Variants in FRMPD4 observed in about 807,000 individuals in gnomAD.
FRMPD4 encodes the protein FERM and PDZ domain containing 4, also known as FERM and PDZ domain-containing protein 4.
In FRMPD4, 22 loss-of-function variants were observed where a neutral mutation model predicts 94.1. The ratio of observed to expected loss-of-function variants is 0.23; its 90% CI spans 0.17 to 0.33. The LOEUF (loss-of-function observed/expected upper bound fraction) is 0.33. Among genes scored for constraint, FRMPD4 ranks in the 10% least tolerant of loss-of-function variants. The pLI is 1.00. For missense variants in FRMPD4, 1,111 were observed against 1,339.9 expected (o/e 0.83, Z 2.67); for synonymous variants, 631 against 548.6 (o/e 1.15, Z -2.10).
At chrX:12,139,555 G>C (rs988556704) in intron 1 of FRMPD4, among the ~76,000 whole-genome samples, 7 of 107,993 alleles carry the variant, frequency 6.5e-5, no homozygotes, top group African/African-American at 2.4e-4. Context: ...TTTTTTTGGG[G>C]GGGGGGTAAC....
intron 3 of FRMPD4, among the ~76,000 whole-genome samples, chrX:11,916,030 C>A (rs2054022911): frequency 9.0e-6 from 1 of 111,703 alleles, no homozygotes; most frequent in Non-Finnish European, 1.9e-5. Flanking sequence ...TTAATTCTGA[C>A]CCAGAGAGAC....
intron 2 of FRMPD4, among the ~76,000 whole-genome samples, chrX:12,538,163 G>A (rs1379887266): frequency 6.3e-5 from 7 of 111,458 alleles, no homozygotes; most frequent in Admixed American, 9.5e-5. Flanking sequence ...CTTAGCAAAC[G>A]GCACACCACG....
chrX:12,481,865 C>A (rs748743049), intron 1 of FRMPD4, among the ~76,000 whole-genome samples: 1 of 96,245 alleles, frequency 1.0e-5, no homozygotes, highest in African/African-American at 3.9e-5. Flanking sequence ...TTGGCGTGAA[C>A]CCGGGAGGCG....
chrX:12,267,992 A>G (rs1442532178), intron 1 of FRMPD4, among the ~76,000 whole-genome samples: 1 of 112,516 alleles, frequency 8.9e-6, no homozygotes, highest in Non-Finnish European at 1.9e-5. Context: ...TAAAAGTTTA[A>G]TTTTCACTCA....
chrX:12,269,406 T>C (rs967408250), intron 1 of FRMPD4, among the ~76,000 whole-genome samples: 4 of 111,873 alleles, frequency 3.6e-5, no homozygotes, highest in Non-Finnish European at 7.5e-5. Context: ...TGATAGGCTC[T>C]GTTCTATACA....
At chrX:11,873,362 G>T (rs2053765409) in intron 2 of FRMPD4, among the ~76,000 whole-genome samples, 2 of 111,242 alleles carry the variant, frequency 1.8e-5, no homozygotes. Flanking sequence ...CAATAAGTGA[G>T]TTTAGCAAAA....
intron 3 of FRMPD4, among the ~76,000 whole-genome samples, chrX:12,044,185 T>G (rs2054773198): frequency 8.9e-6 from 1 of 112,215 alleles, no homozygotes; most frequent in African/African-American, 3.2e-5. Context: ...TTTTTTATGA[T>G]CTTATCACAA....
chrX:12,549,158 CTGAT>C (rs922696414), intron 2 of FRMPD4, among the ~76,000 whole-genome samples: 1 of 111,926 alleles, frequency 8.9e-6, no homozygotes, highest in African/African-American at 3.2e-5. Flanking sequence ...TAAGATTTCC[CTGAT>C]TATTAGACAG....
chrX:11,895,749 G>A (rs1405174393), intron 3 of FRMPD4, among the ~76,000 whole-genome samples: 1 of 111,334 alleles, frequency 9.0e-6, no homozygotes, highest in Non-Finnish European at 1.9e-5. Flanking sequence ...GCCTACCTGG[G>A]GCCTGTGTGC....
At chrX:12,260,961 A>G (rs1275801781) in intron 1 of FRMPD4, among the ~76,000 whole-genome samples, 1 of 111,528 alleles carries the variant, frequency 9.0e-6, no homozygotes, top group Admixed American at 9.5e-5. Flanking sequence ...CCTGGGCTGT[A>G]CTCACACCCT....
chrX:12,479,278 A>G, intron 1 of FRMPD4, among the ~76,000 whole-genome samples: 1 of 107,603 alleles, frequency 9.3e-6, no homozygotes, highest in East Asian at 2.9e-4. Flanking sequence ...GAGGTCCAGA[A>G]GAAAGGAATA....
At chrX:12,696,829 A>G (rs975521909) in intron 9 of FRMPD4, among the ~76,000 whole-genome samples, 7 of 112,215 alleles carry the variant, frequency 6.2e-5, no homozygotes, top group African/African-American at 2.3e-4. Flanking sequence ...TAGGCGGAAG[A>G]TGGAAGAGAG....
intron 3 of FRMPD4, among the ~76,000 whole-genome samples, chrX:12,085,013 T>C (rs2055095971): frequency 8.9e-6 from 1 of 112,052 alleles, no homozygotes; most frequent in African/African-American, 3.2e-5. Flanking sequence ...GCCTATAGTC[T>C]CAACCCAGTA....
intron 1 of FRMPD4, among the ~76,000 whole-genome samples, chrX:11,844,153 AT>A (rs35079439): frequency 0.24 from 21,678 of 91,002 alleles, 2,034 homozygotes; most frequent in Middle Eastern, 0.31. Flanking sequence ...ACACCCAGCT[AT>A]TTTTTTTTTT....
Position 12,645,318 on chromosome X carries a change from T to C in FRMPD4, c.423-29545T>C, listed in dbSNP as rs758839062. On this transcript the variant is annotated intron_variant, in intron 4 of 16. Coordinates refer to ENST00000675598, the MANE Select transcript of FRMPD4 (RefSeq NM_001368397.1). Reference sequence around the variant, plus strand: ...TTTTCATGCATAGTATCTCATACTATGCATCAGGTAGTTTTTAACACTCTC... The same window carrying C: ...TTTTCATGCATAGTATCTCATACTACGCATCAGGTAGTTTTTAACACTCTC... 7.7e-4 allele frequency among the ~76,000 whole-genome samples: 82 copies of C among 106,280 alleles called. 2 individuals are homozygous for C. Among genetic ancestry groups the C allele is most frequent in the African/African-American group, 2.8e-3 (80 of 29,078 alleles). The allele number at this position is 106,280 out of a possible 115,157, so 92.3% of individuals were successfully genotyped here.
At chrX:11,873,882 A>G (rs995194622) in intron 2 of FRMPD4, among the ~76,000 whole-genome samples, 1 of 111,267 alleles carries the variant, frequency 9.0e-6, no homozygotes, top group African/African-American at 3.3e-5. Context: ...AGTCAGGCAT[A>G]TAGGTAATGG....
chrX:11,828,564 T>C (rs1026335917), intron 1 of FRMPD4, among the ~76,000 whole-genome samples: 2 of 111,979 alleles, frequency 1.8e-5, no homozygotes, highest in Non-Finnish European at 3.8e-5. Flanking sequence ...GAGAGTGGTT[T>C]GGAAGGGGGT....
At chrX:12,539,658 A>C (rs1307062404) in intron 2 of FRMPD4, among the ~76,000 whole-genome samples, 1 of 108,363 alleles carries the variant, frequency 9.2e-6, no homozygotes, top group African/African-American at 3.4e-5. Context: ...TTTGAGACGG[A>C]GTTTCACTCT....
At chrX:12,701,067 C>CTTTT (rs34465193) in intron 9 of FRMPD4, among the ~76,000 whole-genome samples, 295 of 56,509 alleles carry the variant, frequency 5.2e-3, no homozygotes, top group African/African-American at 5.9e-3. Context: ...GTTTTGGCTT[C>CTTTT]TTTTTTTTTT....
Sources: allele counts gnomAD v4.1 joint callset (sites outside exome capture counted in the v4.1 genomes callset), GRCh38; gene constraint gnomAD v4.1.1; transcripts MANE v1.5; gene names NCBI Gene and HGNC (gene_info 2026-07-23, HGNC 2026-07-21).